The following GSAP variants were observed in gnomAD, a reference collection of about 807,000 sequenced individuals.
GSAP encodes gamma-secretase activating protein, also known as gamma-secretase-activating protein.
Under a neutral mutation model 131.7 loss-of-function variants are expected in GSAP, and 118 were observed. That is an observed-to-expected ratio of 0.90 (90% CI 0.77 to 1.04). The LOEUF (loss-of-function observed/expected upper bound fraction) is 1.04. Among genes scored for constraint, GSAP ranks in the 50% least tolerant of loss-of-function variants. The probability of loss-of-function intolerance (pLI) is 0.00; values close to 1 mark genes in which losing one functional copy is unlikely to be tolerated. For missense variants in GSAP, 1,019 were observed against 1,013.2 expected, an observed-to-expected ratio of 1.01 and a Z score of -0.08; for synonymous variants, 381 against 363.4, an observed-to-expected ratio of 1.05 and a Z score of -0.55.
At chr7:77,412,190 G>A (rs1803409410) in intron 1 of GSAP, among the ~76,000 whole-genome samples, 1 of 152,142 alleles carries the variant, frequency 6.6e-6, no homozygotes, top group Admixed American at 6.5e-5. Context: ...AAGTTGTCAA[G>A]TTGAGATAAT....
intron 7 of GSAP, among the ~76,000 whole-genome samples, chr7:77,381,994 C>A (rs1446611036): frequency 6.7e-6 from 1 of 149,706 alleles, no homozygotes; most frequent in Non-Finnish European, 1.5e-5. Flanking sequence ...TATAAACTAG[C>A]AGTTTCATCT....
At chr7:77,407,086 G>T (rs1441993699) in intron 1 of GSAP, among the ~76,000 whole-genome samples, 1 of 152,230 alleles carries the variant, frequency 6.6e-6, no homozygotes, top group Non-Finnish European at 1.5e-5. Flanking sequence ...CACACACCAA[G>T]TCGGATTTGG....
At position 77,374,054 on chromosome 7, in the gene GSAP, T is replaced by C. The variant is rs1796493975; in HGVS notation, c.871+16A>G. The stretch of plus-strand genomic sequence containing the variant: ...AAATACGGTTGAATAAATTGATAAA[T>C]ACAACCCTAGTTTACCTGTATGGTT... On this transcript the variant is annotated intron_variant, in intron 12 of 30. Coordinates refer to ENST00000257626, the MANE Select transcript of GSAP (RefSeq NM_017439.4). 1 of 1,387,136 alleles carries C rather than the reference T, an allele frequency of 7.2e-7. No homozygotes were observed. Among genetic ancestry groups the C allele is most frequent in the East Asian group, 2.3e-5 (1 of 43,268 alleles). The allele number at this position is 1,387,136 out of a possible 1,614,324, so 85.9% of individuals were successfully genotyped here. A position where few individuals can be genotyped will look rare whatever the true frequency, so the allele number is the denominator to read the frequency against.
Position 77,404,606 on chromosome 7 carries a change from C to T in GSAP, c.196G>A (p.Gly66Arg), listed in dbSNP as rs1157719212. The T allele has an allele frequency of 6.5e-7, 1 of 1,532,224 alleles. No homozygotes were observed. Among genetic ancestry groups the T allele is most frequent in the Non-Finnish European group, 9.0e-7 (1 of 1,108,760 alleles). The allele number at this position is 1,532,224 out of a possible 1,614,324, so 94.9% of individuals were successfully genotyped here. ...NIIYTYKDDK[G>R]NVVFGLYDCQ... Reference sequence around the variant, plus strand: ...TCATATAATCCAAAGACGACATTTCCCTTATCATCCTAAAAAAAATTAACC... The same window carrying T: ...TCATATAATCCAAAGACGACATTTCTCTTATCATCCTAAAAAAAATTAACC... The change falls in exon 3 of 31, where the codon GGA becomes AGA. Residue 66 changes from glycine to arginine, a missense_variant. Transcript: ENST00000257626.
At chr7:77,404,453 T>C in intron 3 of GSAP, 106 bp downstream of exon 3, 2 of 701,476 alleles carry the variant, frequency 2.9e-6, no homozygotes, top group Non-Finnish European at 5.0e-6. Context: ...ATAAAATGTT[T>C]ACAGAAAAAG....
chr7:77,363,948 C>A (rs1249038340), intron 12 of GSAP, among the ~76,000 whole-genome samples: 1 of 151,806 alleles, frequency 6.6e-6, no homozygotes, highest in Non-Finnish European at 1.5e-5. Context: ...TCTCATATAC[C>A]ACTTGGACTG....
At chr7:77,374,766 G>A (rs1055711754) in intron 11 of GSAP, among the ~76,000 whole-genome samples, 1 of 151,994 alleles carries the variant, frequency 6.6e-6, no homozygotes, top group East Asian at 1.9e-4. Context: ...CTGAACCATC[G>A]AATCCCTCTA....
intron 12 of GSAP, among the ~76,000 whole-genome samples, chr7:77,371,234 A>G (rs1796073422): frequency 6.6e-6 from 1 of 152,174 alleles, no homozygotes; most frequent in South Asian, 2.1e-4. Flanking sequence ...TGCTGATGCC[A>G]GAAACCTGAG....
At chr7:77,323,386 A>AT (rs2150633934) in intron 24 of GSAP, among the ~76,000 whole-genome samples, 1 of 152,334 alleles carries the variant, frequency 6.6e-6, no homozygotes, top group South Asian at 2.1e-4. Context: ...AGCATACTAA[A>AT]TTCATTGTCC....
intron 6 of GSAP, among the ~76,000 whole-genome samples, chr7:77,384,782 A>T (rs1207161837): frequency 1.3e-5 from 2 of 152,114 alleles, no homozygotes; most frequent in Admixed American, 1.3e-4. Context: ...TTTTGTAAGA[A>T]AAAGGAAATT....
At position 77,404,561 on chromosome 7, in the gene GSAP, C is replaced by A; in HGVS notation, c.241G>T (p.Glu81Ter). ...AATGAGTAATCTATGATTTTTACCT[C>A]ATTTTGTCTGGTTTGACAATCATAT... ...GLYDCQTRQN[E>*]LLYTFEKDLQ... The change falls in exon 3 of 31, where the codon GAG (glutamate) becomes TAG (stop). Residue 81 changes from glutamate (E) to a stop codon, truncating the protein, a stop_gained and splice_region_variant. Coordinates refer to ENST00000257626, the MANE Select transcript of GSAP (RefSeq NM_017439.4). LOFTEE classifies it high-confidence loss of function. The A allele has an allele frequency of 6.5e-7, 1 of 1,533,498 alleles. No homozygotes were observed. The highest frequency in any genetic ancestry group is 9.0e-7 in the Non-Finnish European group (1 of 1,109,174). 95.0% of individuals were successfully genotyped at this position (1,533,498 alleles called of 1,614,324 possible). A position where few individuals can be genotyped will look rare whatever the true frequency, so the allele number is the denominator to read the frequency against.
At chr7:77,345,669 T>C (rs569942282) in intron 19 of GSAP, among the ~76,000 whole-genome samples, 10 of 152,190 alleles carry the variant, frequency 6.6e-5, no homozygotes, top group Non-Finnish European at 1.5e-4. Flanking sequence ...GCTCCCCCAC[T>C]GAGCAACTTG....
intron 19 of GSAP, among the ~76,000 whole-genome samples, chr7:77,341,644 C>T (rs1395195093): frequency 6.6e-6 from 1 of 152,166 alleles, no homozygotes; most frequent in Admixed American, 6.5e-5. Context: ...CCCTTAGATG[C>T]TTTACCACCC....
chr7:77,378,971 G>T (rs927377016), intron 8 of GSAP, among the ~76,000 whole-genome samples: 1 of 152,116 alleles, frequency 6.6e-6, no homozygotes, highest in Non-Finnish European at 1.5e-5. Flanking sequence ...TCCACCGATG[G>T]TAACTTGCAA....
intron 4 of GSAP, 31 bp from the exon 5 acceptor site, chr7:77,397,066 A>G (rs750729172): frequency 1.4e-6 from 2 of 1,432,816 alleles, no homozygotes; most frequent in Non-Finnish European, 2.0e-6. Context: ...ATCCATTAGC[A>G]ATTGATCCAT....
At chr7:77,398,771 C>CA (rs58613193) in intron 3 of GSAP, among the ~76,000 whole-genome samples, 18,608 of 150,114 alleles carry the variant, frequency 0.12, 1,623 homozygotes, top group East Asian at 0.41. Context: ...CTGTCTCAAA[C>CA]AAAAAAAAAG....
In GSAP at chr7:77,311,830, G is replaced by A. The variant is rs1305856553; in HGVS notation, c.2473+11C>T. On this transcript the variant is annotated intron_variant, in intron 30 of 30. Transcript: ENST00000257626. ...AAGTGGTAAGACCCTGAGAACAGGG[G>A]AGTAAATTACCTTGATTGGAGGACT... 6 of 1,251,502 alleles carry A rather than the reference G, an allele frequency of 4.8e-6. No homozygotes were observed. The highest frequency in any genetic ancestry group is 2.9e-5 in the African/African-American group (2 of 68,106). The allele number at this position is 1,251,502 out of a possible 1,614,324, so 77.5% of individuals were successfully genotyped here. A position where few individuals can be genotyped will look rare whatever the true frequency, so the allele number is the denominator to read the frequency against.
At chr7:77,336,734 C>T (rs767513213) in intron 19 of GSAP, among the ~76,000 whole-genome samples, 2 of 152,292 alleles carry the variant, frequency 1.3e-5, no homozygotes, top group Non-Finnish European at 2.9e-5. Context: ...GTGATTCACC[C>T]GCCTAGGCCT....
At position 77,355,369 on chromosome 7, in the gene GSAP, C is replaced by T. The variant is rs146640135; in HGVS notation, c.1182G>A (p.Leu394=). 1.2e-6 allele frequency: 2 copies of T among 1,612,870 alleles called. No individual in the cohort carries two copies. Among genetic ancestry groups the T allele is most frequent in the African/African-American group, 2.7e-5 (2 of 74,630 alleles). ...HCPLQSLSGS[L]VLDCCSGKLY... ...GCTTTCCAGAACAACAATCCAATAC[C>T]AGGGACCCTGACAATGACTGTAAAG... Residue 394 remains leucine, a synonymous_variant, in exon 16 of 31, where the codon CTG becomes CTA. Coordinates refer to ENST00000257626, the MANE Select transcript of GSAP (RefSeq NM_017439.4).
Sources: allele counts gnomAD v4.1 joint callset (sites outside exome capture counted in the v4.1 genomes callset), GRCh38; gene constraint gnomAD v4.1.1; transcripts MANE v1.5; gene names NCBI Gene and HGNC (gene_info 2026-07-23, HGNC 2026-07-21).